The following DKC1 variants were observed in gnomAD, a reference collection of about 807,000 sequenced individuals.
DKC1 encodes H/ACA ribonucleoprotein complex subunit DKC1.
Under a neutral mutation model 46.7 loss-of-function variants are expected in DKC1, and 4 were observed. The observed-to-expected ratio is 0.09, with a 90% CI of 0.04 to 0.20. The LOEUF (loss-of-function observed/expected upper bound fraction) is 0.20. Ranked by LOEUF, DKC1 falls within the 10% of genes least tolerant of loss-of-function variation. The probability of loss-of-function intolerance (pLI) is 1.00; values close to 1 mark genes in which losing one functional copy is unlikely to be tolerated. For synonymous variants in DKC1, 141 were observed against 142.4 expected, an observed-to-expected ratio of 0.99 and a Z score of 0.07; for missense variants, 171 against 404.2, an observed-to-expected ratio of 0.42 and a Z score of 4.95.
In DKC1 at chrX:154,769,353, C is replaced by A. The variant is rs782443973; in HGVS notation, c.915+43C>A. On this transcript the variant is annotated intron_variant, in intron 9 of 14. Coordinates refer to ENST00000369550, the MANE Select transcript of DKC1 (RefSeq NM_001363.5). ...AGTTTATATTTGGAAAGAACGTACT[C>A]CAAAGATGAGGCTTGCTCTTTTTAT... The A allele has an allele frequency of 2.6e-6, 3 of 1,164,233 alleles. No homozygotes were observed. In the Admixed American group the frequency reaches 6.5e-5, roughly 25 times the overall value.
At chrX:154,772,897 G>C (rs781851384) in intron 10 of DKC1, among the ~76,000 whole-genome samples, 1 of 111,790 alleles carries the variant, frequency 8.9e-6, no homozygotes, top group East Asian at 2.8e-4. Flanking sequence ...TGTATCGTTA[G>C]GTGCTTTGGT....
intron 1 of DKC1, among the ~76,000 whole-genome samples, chrX:154,764,427 T>G (rs1279620535): frequency 9.1e-6 from 1 of 110,182 alleles, no homozygotes; most frequent in East Asian, 2.8e-4. Flanking sequence ...TAAAAATATA[T>G]TTTTCTTCAG....
chrX:154,765,555 G>C (rs1456740556), intron 3 of DKC1, 25 bp downstream of exon 3: 13 of 1,021,536 alleles, frequency 1.3e-5, no homozygotes, highest in Non-Finnish European at 1.8e-5. Context: ...TCGTGCATCA[G>C]ATGAATGCCT....
At chrX:154,772,206 A>AT (rs1464947545) in intron 10 of DKC1, among the ~76,000 whole-genome samples, 2 of 111,119 alleles carry the variant, frequency 1.8e-5, no homozygotes, top group African/African-American at 3.3e-5. Context: ...AGATTATTAG[A>AT]TTTTTTTTCC....
At chrX:154,776,650 T>C in intron 14 of DKC1, 149 bp from the exon 15 acceptor site, 1 of 612,359 alleles carries the variant, frequency 1.6e-6, no homozygotes, top group South Asian at 2.4e-5. Flanking sequence ...TACAGAACTT[T>C]GTGTCACATG....
chrX:154,769,611 A>G (rs1317472566), intron 9 of DKC1, among the ~76,000 whole-genome samples: 1 of 111,928 alleles, frequency 8.9e-6, no homozygotes, highest in Non-Finnish European at 1.9e-5. Context: ...CTGTGTTTTT[A>G]TGATGATCAG....
intron 14 of DKC1, 118 bp from the exon 15 acceptor site, chrX:154,776,681 C>A: frequency 2.7e-6 from 2 of 732,505 alleles, no homozygotes; most frequent in Non-Finnish European, 4.3e-6. Context: ...CCCAAAATAT[C>A]CTTACAGGTC....
intron 1 of DKC1, among the ~76,000 whole-genome samples, chrX:154,764,339 G>A (rs2071719845): frequency 9.2e-6 from 1 of 108,802 alleles, no homozygotes; most frequent in Non-Finnish European, 1.9e-5. Context: ...TGGTTGAGTC[G>A]GTGACTGAAT....
chrX:154,764,980 T>TG lies in DKC1; in HGVS notation c.84+15dup, dbSNP rs1197116795. ...GAAGATGTAGCCGTGAGTAGTAATG[T>TG]GTTTGACTTCACTTTGACTAAAAAG... On this transcript the variant is annotated intron_variant, in intron 2 of 14. Coordinates refer to ENST00000369550, the MANE Select transcript of DKC1 (RefSeq NM_001363.5). The TG allele has an allele frequency of 2.6e-6, 3 of 1,161,396 alleles. No homozygotes were observed. Among genetic ancestry groups the TG allele is most frequent in the Non-Finnish European group, 2.4e-6 (2 of 850,774 alleles).
intron 11 of DKC1, 29 bp from the exon 12 acceptor site, chrX:154,774,573 C>T: frequency 8.6e-7 from 1 of 1,164,271 alleles, no homozygotes; most frequent in Non-Finnish European, 1.2e-6. Context: ...TGACACCATT[C>T]TAATGTTGAC....
In DKC1 at chrX:154,763,121, G is replaced by C. The variant is rs782276911; in HGVS notation, c.16+140G>C. Reference sequence around the variant, plus strand: ...CCTCTTCACCGCCCGGCCTTAAGCCGGCCTTGTCTCTCGGCCCTGGCTCCG... The same window carrying C: ...CCTCTTCACCGCCCGGCCTTAAGCCCGCCTTGTCTCTCGGCCCTGGCTCCG... On this transcript the variant is annotated intron_variant, in intron 1 of 14. Coordinates refer to ENST00000369550, the MANE Select transcript of DKC1 (RefSeq NM_001363.5). 2,475 of 787,317 alleles carry C rather than the reference G, an allele frequency of 3.1e-3. 2 individuals carry two copies. The highest frequency in any genetic ancestry group is 4.3e-3 in the Middle Eastern group (13 of 3,046). 64.9% of individuals were successfully genotyped at this position (787,317 alleles called of 1,213,427 possible).
Position 154,766,152 on chromosome X carries a change from A to G in DKC1, c.264-64A>G, listed in dbSNP as rs2071742543. 5 of 1,116,444 alleles carry G rather than the reference A, an allele frequency of 4.5e-6. No individual in the cohort carries two copies. The Admixed American group carries it at 1.1e-4, about 24-fold the overall frequency. The allele number at this position is 1,116,444 out of a possible 1,213,427, so 92.0% of individuals were successfully genotyped here. On this transcript the variant is annotated intron_variant, in intron 4 of 14. Coordinates refer to ENST00000369550, the MANE Select transcript of DKC1 (RefSeq NM_001363.5). ...ATTATTTTTCTTTTTAACTTTTCAG[A>G]TTTGTTGTTTCACTGGAGCATTAAG... is the stretch of plus-strand genomic sequence containing the variant.
Position 154,762,930 on chromosome X carries a change from T to C in DKC1, c.-36T>C. 8.5e-7 allele frequency: 1 copy of C among 1,173,968 alleles called. No homozygotes were observed. Among genetic ancestry groups the C allele is most frequent in the Middle Eastern group, 2.3e-4 (1 of 4,311 alleles). ...GGGAGTCTGCGGTCGTTCCCTCGGC[T>C]GTGGACCGGGCGGCACGCACGCGGT... On this transcript the variant is annotated 5_prime_UTR_variant, in exon 1 of 15. Coordinates refer to ENST00000369550, the MANE Select transcript of DKC1 (RefSeq NM_001363.5).
Position 154,766,009 on chromosome X carries a change from G to A in DKC1, c.263+11G>A. The A allele has an allele frequency of 1.7e-6, 2 of 1,165,540 alleles. No individual in the cohort carries two copies. The highest frequency in any genetic ancestry group is 2.3e-6 in the Non-Finnish European group (2 of 853,260). Reference sequence around the variant, plus strand: ...TGGGGACTATATCAGGTAAGTGTTGGGAGGAGGCACTGTGCAAACTTACTT... The same window carrying A: ...TGGGGACTATATCAGGTAAGTGTTGAGAGGAGGCACTGTGCAAACTTACTT... On this transcript the variant is annotated intron_variant, in intron 4 of 14. Coordinates refer to ENST00000369550, the MANE Select transcript of DKC1 (RefSeq NM_001363.5).
chrX:154,763,250 G>C (rs1557263781), intron 1 of DKC1, among the ~76,000 whole-genome samples: 1 of 112,373 alleles, frequency 8.9e-6, no homozygotes, highest in Non-Finnish European at 1.9e-5. Context: ...GACATCTGCC[G>C]TGCTGCCCAC....
In DKC1 at chrX:154,777,619, C is replaced by T. The variant is rs2071916246; in HGVS notation, c.*752C>T. On this transcript the variant is annotated 3_prime_UTR_variant, in exon 15 of 15. Transcript: ENST00000369550. The stretch of plus-strand genomic sequence containing the variant: ...GTTGGGTTTTCTTGTTGATCTCATG[C>T]TAGCAGAGCAAAAATTGTAAAATAT... 8.9e-6 allele frequency: 1 copy of T among 112,549 alleles called. No homozygotes were observed. The highest frequency in any genetic ancestry group is 3.2e-5 in the African/African-American group (1 of 30,905). 9.3% of individuals were successfully genotyped at this position (112,549 alleles called of 1,213,427 possible).
At chrX:154,765,821 T>A (rs2071737886) in intron 3 of DKC1, 86 bp from the exon 4 acceptor site, 3 of 731,774 alleles carry the variant, frequency 4.1e-6, no homozygotes, top group South Asian at 4.2e-5. Flanking sequence ...CTATGCCAGT[T>A]TGTGGGCCAC....
At chrX:154,769,457 C>A in intron 9 of DKC1, 147 bp downstream of exon 9, 1 of 665,537 alleles carries the variant, frequency 1.5e-6, no homozygotes, top group Non-Finnish European at 2.2e-6. Flanking sequence ...TAATGGTAGG[C>A]ATACTTAAAA....
rs1557264056 is a variant in DKC1, at chrX:154,765,527, A to G, written c.168A>G (p.Leu56=). The change falls in exon 3 of 15, where the codon CTA becomes CTG. Residue 56 remains leucine (L), a synonymous_variant. Coordinates refer to ENST00000369550, the MANE Select transcript of DKC1 (RefSeq NM_001363.5). ...KLDTSQWPLL[L]KNFDKLNVRT... ...ACACGTCTCAGTGGCCCCTTTTGCT[A>G]AAGGTATGTGGTTAAAATCGTGCAT... is the stretch of plus-strand genomic sequence containing the variant. 2 of 1,187,310 alleles carry G rather than the reference A, an allele frequency of 1.7e-6. No homozygotes were observed. The highest frequency in any genetic ancestry group is 1.8e-5 in the South Asian group (1 of 56,457).
Sources: gnomAD v4.1 joint callset for allele counts (sites outside exome capture counted in the v4.1 genomes callset) on GRCh38, gnomAD v4.1.1 for gene constraint, MANE v1.5 for transcripts, NCBI Gene and HGNC (gene_info 2026-07-23, HGNC 2026-07-21) for gene names.